Variants in AIM2 observed in about 807,000 individuals in gnomAD.
AIM2 encodes the protein absent in melanoma 2.
Under a neutral mutation model 27.7 loss-of-function variants are expected in AIM2, and 30 were observed. The observed-to-expected ratio is 1.08, with a 90% CI of 0.81 to 1.47. AIM2 has a LOEUF of 1.47. Ranked by LOEUF, AIM2 falls within the 40% of genes most tolerant of loss-of-function variation. The pLI is 0.00. For missense variants in AIM2, 358 were observed against 411.3 expected (o/e 0.87, Z 1.12); for synonymous variants, 141 against 145.3 (o/e 0.97, Z 0.21).
intron 2 of AIM2, among the ~76,000 whole-genome samples, chr1:159,069,395 A>G (rs1656252792): frequency 6.6e-6 from 1 of 152,176 alleles, no homozygotes; most frequent in South Asian, 2.1e-4. Context: ...ATGGCCTCCA[A>G]TGACTAAAAT....
At chr1:159,115,075 C>A (rs905296092) in intron 1 of AIM2, among the ~76,000 whole-genome samples, 1 of 152,160 alleles carries the variant, frequency 6.6e-6, no homozygotes, top group African/African-American at 2.4e-5. Flanking sequence ...AGTGAACTCC[C>A]ATTCACAATT....
intron 1 of AIM2, among the ~76,000 whole-genome samples, chr1:159,124,197 T>A (rs1647620605): frequency 6.6e-6 from 1 of 151,310 alleles, no homozygotes; most frequent in Non-Finnish European, 1.5e-5. Flanking sequence ...TACATCTCTT[T>A]TTTTAAAAAA....
chr1:159,068,107 T>C (rs1292485589), intron 3 of AIM2, among the ~76,000 whole-genome samples: 1 of 152,128 alleles, frequency 6.6e-6, no homozygotes, highest in Non-Finnish European at 1.5e-5. Context: ...CCTGGGCCTG[T>C]ACAAACCACA....
At chr1:159,082,076 G>A (rs990661784) in intron 1 of AIM2, among the ~76,000 whole-genome samples, 5 of 152,050 alleles carry the variant, frequency 3.3e-5, no homozygotes, top group Non-Finnish European at 7.4e-5. Context: ...AAACACCAAG[G>A]AGAGAGAAGA....
chr1:159,109,709 C>T (rs185242198), intron 1 of AIM2, among the ~76,000 whole-genome samples: 24 of 149,580 alleles, frequency 1.6e-4, no homozygotes, highest in Admixed American at 1.6e-3. Flanking sequence ...TCAAACAAAT[C>T]AACAAGAAAA....
chr1:159,113,622 C>T (rs1178956411), intron 1 of AIM2, among the ~76,000 whole-genome samples: 2 of 152,186 alleles, frequency 1.3e-5, no homozygotes, highest in African/African-American at 2.4e-5. Context: ...TTCTTTCCAT[C>T]ACAGAAACCC....
intron 1 of AIM2, among the ~76,000 whole-genome samples, chr1:159,112,084 C>G (rs1657589532): frequency 6.6e-6 from 1 of 151,952 alleles, no homozygotes; most frequent in Admixed American, 6.6e-5. Context: ...AACACCAAAT[C>G]TAAATATTTC....
chr1:159,124,175 A>G (rs1186542486), intron 1 of AIM2, among the ~76,000 whole-genome samples: 4 of 152,094 alleles, frequency 2.6e-5, no homozygotes, highest in Non-Finnish European at 2.9e-5. Flanking sequence ...TTACTCTCAA[A>G]ATGTACCATA....
At chr1:159,093,017 C>T (rs568125149) in intron 1 of AIM2, among the ~76,000 whole-genome samples, 22 of 146,310 alleles carry the variant, frequency 1.5e-4, no homozygotes, top group Non-Finnish European at 2.7e-4. Context: ...CAGAGTGACG[C>T]TCCGTCTCAA....
At chr1:159,098,763 A>G (rs976690035) in intron 1 of AIM2, among the ~76,000 whole-genome samples, 19 of 152,224 alleles carry the variant, frequency 1.2e-4, no homozygotes, top group African/African-American at 4.3e-4. Flanking sequence ...AGCATGTGCC[A>G]TACTCCATAT....
the AIM2 span, among the ~76,000 whole-genome samples, chr1:159,056,717 CAAAAAAAAAAAAAAAAAAAA>C: frequency 2.3e-5 from 1 of 44,184 alleles, no homozygotes; most frequent in Admixed American, 3.6e-4. Context: ...GCCCAACCGG[CAAAAAAAAAAAAAAAAAAAA>C]AAAAAAAAAA....
At chr1:159,099,329 T>G (rs1657264390) in intron 1 of AIM2, among the ~76,000 whole-genome samples, 1 of 152,156 alleles carries the variant, frequency 6.6e-6, no homozygotes, top group Non-Finnish European at 1.5e-5. Flanking sequence ...TGTTCAAATT[T>G]TATTGTTCAG....
chr1:159,073,462 C>A lies in AIM2; in HGVS notation c.38G>T (p.Gly13Val), dbSNP rs529181365. The A allele has an allele frequency of 6.2e-7, 1 of 1,614,086 alleles. No homozygotes were observed. The highest frequency in any genetic ancestry group is 2.2e-5 in the East Asian group (1 of 44,874). ...TTCCTCATCAGTGATGTTATCCAGG[C>A]CTGTTAGCAAGAGTATCTCCTTGTA... Reference protein sequence around the residue: ...SKYKEILLLTGLDNITDEELD... With the variant: ...SKYKEILLLTVLDNITDEELD... Residue 13 changes from glycine (G) to valine (V), a missense_variant, in exon 2 of 6, where the codon GGC becomes GTC. Gly to Val is a moderately radical substitution (Grantham distance 109). Coordinates refer to ENST00000368130, the MANE Select transcript of AIM2 (RefSeq NM_004833.3).
At chr1:159,144,908 G>A (rs1648175231), upstream of AIM2, among the ~76,000 whole-genome samples, 2 of 152,162 alleles carry the variant, frequency 1.3e-5, no homozygotes, top group South Asian at 4.1e-4. Context: ...GCTATCGCAT[G>A]GAGTAAGACA....
intron 1 of AIM2, among the ~76,000 whole-genome samples, chr1:159,130,647 C>T (rs908130593): frequency 2.0e-5 from 3 of 151,936 alleles, no homozygotes; most frequent in Non-Finnish European, 4.4e-5. Context: ...ATCCTCTTCT[C>T]TCTCTTTCTC....
At chr1:159,060,602 T>C (rs530759995), downstream of AIM2, among the ~76,000 whole-genome samples, 12 of 152,356 alleles carry the variant, frequency 7.9e-5, no homozygotes, top group East Asian at 2.3e-3. Flanking sequence ...TGATCTAGTC[T>C]TTACTATACT....
intron 1 of AIM2, among the ~76,000 whole-genome samples, chr1:159,130,976 G>A (rs1271635141): frequency 6.6e-6 from 1 of 151,986 alleles, no homozygotes; most frequent in Non-Finnish European, 1.5e-5. Context: ...ACTGCCTGGA[G>A]TGCTTTTTTT....
upstream of AIM2, among the ~76,000 whole-genome samples, chr1:159,080,727 G>C (rs1656757403): frequency 6.6e-6 from 1 of 151,978 alleles, no homozygotes; most frequent in African/African-American, 2.4e-5. Flanking sequence ...CTAATCTCTG[G>C]CATTTAAACT....
At chr1:159,107,333 C>A (rs985226803) in intron 1 of AIM2, among the ~76,000 whole-genome samples, 4 of 140,194 alleles carry the variant, frequency 2.9e-5, no homozygotes, top group Admixed American at 1.4e-4. Flanking sequence ...TGTGTGTGTG[C>A]GCGCACTATA....
Sources: gnomAD v4.1 joint callset for allele counts (sites outside exome capture counted in the v4.1 genomes callset) on GRCh38, gnomAD v4.1.1 for gene constraint, MANE v1.5 for transcripts, NCBI Gene and HGNC (gene_info 2026-07-23, HGNC 2026-07-21) for gene names.